WDPCP: variants seen among roughly 807,000 people sequenced by gnomAD.
The protein encoded by WDPCP is WD repeat containing planar cell polarity effector.
A neutral mutation model predicts 93.1 loss-of-function variants in WDPCP; 71 were observed. That is an observed-to-expected ratio of 0.76 (90% CI 0.63 to 0.93). WDPCP has a LOEUF of 0.93. Among genes scored for constraint, WDPCP ranks in the 40% least tolerant of loss-of-function variants. WDPCP has a pLI of 0.00. For synonymous variants in WDPCP, 315 were observed against 315.0 expected, an observed-to-expected ratio of 1.00 and a Z score of 0.00; for missense variants, 844 against 887.4, an observed-to-expected ratio of 0.95 and a Z score of 0.62.
chr2:63,284,851 G>T (rs1447217772), intron 13 of WDPCP, among the ~76,000 whole-genome samples: 2 of 152,098 alleles, frequency 1.3e-5, no homozygotes, highest in Non-Finnish European at 2.9e-5. Flanking sequence ...ACCATGGAAG[G>T]TGAAGCTGCT....
intron 14 of WDPCP, among the ~76,000 whole-genome samples, chr2:63,217,516 T>C (rs1403322464): frequency 6.6e-6 from 1 of 152,204 alleles, no homozygotes; most frequent in African/African-American, 2.4e-5. Flanking sequence ...AAAGAAATAA[T>C]TGGTTTGATC....
intron 15 of WDPCP, among the ~76,000 whole-genome samples, chr2:63,172,364 C>T (rs1423693957): frequency 3.3e-5 from 5 of 151,872 alleles, no homozygotes; most frequent in Non-Finnish European, 7.4e-5. Flanking sequence ...AAAAATTAGC[C>T]CGGTATGGTG....
chr2:63,421,193 T>G (rs1371131773), intron 9 of WDPCP, among the ~76,000 whole-genome samples: 7 of 152,200 alleles, frequency 4.6e-5, no homozygotes, highest in Non-Finnish European at 1.0e-4. Flanking sequence ...GTCATTTGTA[T>G]ACAGGATAAA....
intron 12 of WDPCP, among the ~76,000 whole-genome samples, chr2:63,331,808 C>A (rs1660515902): frequency 6.6e-6 from 1 of 151,948 alleles, no homozygotes; most frequent in African/African-American, 2.4e-5. Flanking sequence ...TCAGGCTTTG[C>A]TTTTCCTTTT....
At chr2:63,191,248 C>T (rs945140188) in intron 14 of WDPCP, among the ~76,000 whole-genome samples, 7 of 152,088 alleles carry the variant, frequency 4.6e-5, no homozygotes, top group African/African-American at 1.7e-4. Flanking sequence ...AAATATTAGC[C>T]AGGCGTGGTG....
Position 63,588,320 on chromosome 2 carries a change from CCGA to C in WDPCP, c.-52_-50del. 6.4e-7 allele frequency: 1 copy of C among 1,551,338 alleles called. No individual in the cohort carries two copies. Among genetic ancestry groups the C allele is most frequent in the Non-Finnish European group, 8.7e-7 (1 of 1,145,192 alleles). On this transcript the variant is annotated 5_prime_UTR_variant, in exon 1 of 18. Transcript: ENST00000272321. ...AGGTTCCTAGGCTAGGTCCTCGGAC[CCGA>C]GAGGGAGCGACACGCTCGCTTGGTC...
At chr2:63,336,942 G>A (rs1031508730) in intron 12 of WDPCP, among the ~76,000 whole-genome samples, 2 of 133,718 alleles carry the variant, frequency 1.5e-5, no homozygotes, top group African/African-American at 5.8e-5. Flanking sequence ...TCACCAGGTT[G>A]GAGTGCAGTG....
At chr2:63,823,019 A>C (rs964310351) in intron 1 of WDPCP, among the ~76,000 whole-genome samples, 5 of 151,874 alleles carry the variant, frequency 3.3e-5, no homozygotes, top group Middle Eastern at 3.4e-3. Context: ...ATAACTCATC[A>C]GAAAAACTCT....
intron 1 of WDPCP, among the ~76,000 whole-genome samples, chr2:63,532,564 C>T (rs921094455): frequency 2.6e-5 from 4 of 152,104 alleles, no homozygotes; most frequent in East Asian, 3.8e-4. Flanking sequence ...TCAACATTCT[C>T]AAAGAAAAGA....
At chr2:63,343,131 G>A (rs146201124) in intron 12 of WDPCP, among the ~76,000 whole-genome samples, 2,828 of 152,106 alleles carry the variant, frequency 0.019, 38 homozygotes, top group Middle Eastern at 0.034. Flanking sequence ...CTTCCGAGTA[G>A]CTGGGATTAC....
At chr2:63,730,197 G>C (rs978423480) in intron 2 of WDPCP, among the ~76,000 whole-genome samples, 1 of 151,658 alleles carries the variant, frequency 6.6e-6, no homozygotes, top group African/African-American at 2.4e-5. Flanking sequence ...AGGTACTATT[G>C]TTATTCTCAT....
At chr2:63,417,525 A>G (rs1036526621) in intron 9 of WDPCP, among the ~76,000 whole-genome samples, 2 of 151,726 alleles carry the variant, frequency 1.3e-5, no homozygotes, top group Admixed American at 1.3e-4. Flanking sequence ...CTATGAAATA[A>G]TGAAAATAAT....
chr2:63,153,386 G>A (rs1672011208), intron 16 of WDPCP, 109 bp downstream of exon 16: 2 of 827,822 alleles, frequency 2.4e-6, no homozygotes, highest in African/African-American at 1.7e-5. Flanking sequence ...ATACCAACTA[G>A]AAATGCTCAG....
Position 63,370,970 on chromosome 2 carries a change from G to A in WDPCP, c.1748+7416C>T, listed in dbSNP as rs539679398. On this transcript the variant is annotated intron_variant, in intron 12 of 17. Transcript: ENST00000272321. ...ATTTTTTGCAAGTTTTAAAAATTTCGTGGCTCATAAATTTTGAGTCTTTCT... is the reference window on the plus strand; with the variant it reads ...ATTTTTTGCAAGTTTTAAAAATTTCATGGCTCATAAATTTTGAGTCTTTCT... 1.1e-4 allele frequency among the ~76,000 whole-genome samples: 16 copies of A among 151,224 alleles called. No homozygotes were observed. The East Asian group carries it at 1.6e-3, about 15-fold the overall frequency.
intron 6 of WDPCP, among the ~76,000 whole-genome samples, chr2:63,483,632 A>G (rs544248883): frequency 6.6e-6 from 1 of 152,092 alleles, no homozygotes; most frequent in African/African-American, 2.4e-5. Flanking sequence ...TAGCTTTATG[A>G]ATAGAACCAT....
chr2:63,354,001 C>G (rs943102939), intron 12 of WDPCP, among the ~76,000 whole-genome samples: 2 of 152,188 alleles, frequency 1.3e-5, no homozygotes, highest in African/African-American at 4.8e-5. Context: ...AAGTCAGCAA[C>G]TCCCTGAACA....
At chr2:63,450,527 G>A (rs1012486715) in intron 6 of WDPCP, among the ~76,000 whole-genome samples, 7 of 152,076 alleles carry the variant, frequency 4.6e-5, no homozygotes, top group African/African-American at 1.7e-4. Flanking sequence ...ACCATCTGAA[G>A]GTCCAGTAAC....
intron 3 of WDPCP, among the ~76,000 whole-genome samples, chr2:63,626,609 A>T (rs1045234317): frequency 6.6e-6 from 1 of 152,230 alleles, no homozygotes; most frequent in Non-Finnish European, 1.5e-5. Flanking sequence ...AGAAATGCAA[A>T]TCAAAACCAC....
At chr2:63,768,234 T>C (rs1354897831) in intron 2 of WDPCP, among the ~76,000 whole-genome samples, 1 of 152,078 alleles carries the variant, frequency 6.6e-6, no homozygotes, top group Non-Finnish European at 1.5e-5. Flanking sequence ...GGACCATACA[T>C]GTGTAGGCCT....
Sources: allele counts gnomAD v4.1 joint callset (sites outside exome capture counted in the v4.1 genomes callset), GRCh38; gene constraint gnomAD v4.1.1; transcripts MANE v1.5; gene names NCBI Gene and HGNC (gene_info 2026-07-23, HGNC 2026-07-21).